The following CABLES1 variants were observed in gnomAD, a reference collection of about 807,000 sequenced individuals.
The protein encoded by CABLES1 is CDK5 and ABL1 enzyme substrate 1.
In CABLES1, 36 loss-of-function variants were observed where a neutral mutation model predicts 57.8. That is an observed-to-expected ratio of 0.62 (90% CI 0.48 to 0.82). The LOEUF is 0.82. Ranked by LOEUF, CABLES1 falls within the 40% of genes least tolerant of loss-of-function variation. The pLI is 0.00. For synonymous variants in CABLES1, 374 were observed against 363.0 expected (o/e 1.03, Z -0.35); for missense variants, 767 against 836.6 (o/e 0.92, Z 1.03).
chr18:23,243,388 G>A (rs1034648434), intron 7 of CABLES1, among the ~76,000 whole-genome samples: 1 of 151,690 alleles, frequency 6.6e-6, no homozygotes, highest in Non-Finnish European at 1.5e-5. Context: ...CCAGCTTTAG[G>A]TTAAGTGTTC....
chr18:23,252,148 G>T (rs546509531), intron 7 of CABLES1, among the ~76,000 whole-genome samples: 5 of 151,948 alleles, frequency 3.3e-5, no homozygotes. Context: ...ACAAATAGAC[G>T]ATTCCACTTA....
At chr18:23,220,069 A>C (rs1369799121) in intron 4 of CABLES1, among the ~76,000 whole-genome samples, 1 of 152,144 alleles carries the variant, frequency 6.6e-6, no homozygotes, top group Non-Finnish European at 1.5e-5. Context: ...GTTTAGACCA[A>C]GCTGATAAGG....
intron 4 of CABLES1, among the ~76,000 whole-genome samples, chr18:23,229,874 A>G (rs1005966420): frequency 1.3e-5 from 2 of 152,210 alleles, no homozygotes; most frequent in African/African-American, 2.4e-5. Context: ...CTGTTAAGCT[A>G]TGTGGCACAA....
chr18:23,252,175 A>G (rs909622286), intron 7 of CABLES1, among the ~76,000 whole-genome samples: 3 of 152,176 alleles, frequency 2.0e-5, no homozygotes, highest in African/African-American at 7.2e-5. Context: ...GCAAATTTAT[A>G]GAGACATAAA....
chr18:23,249,549 G>A (rs932255484), intron 7 of CABLES1, among the ~76,000 whole-genome samples: 6 of 152,354 alleles, frequency 3.9e-5, no homozygotes, highest in African/African-American at 1.4e-4. Flanking sequence ...GTCCAGACTT[G>A]CTGCGTCTCC....
rs899219981 is a variant in CABLES1, at chr18:23,135,764, T to TGGC, written c.18_20dup (p.Ala8dup). The TGGC allele has an allele frequency of 4.6e-4, 456 of 983,668 alleles. No individual in the cohort carries two copies. Among genetic ancestry groups the TGGC allele is most frequent in the Middle Eastern group, 2.6e-3 (5 of 1,934 alleles). 60.9% of individuals were successfully genotyped at this position (983,668 alleles called of 1,614,324 possible). On this transcript the variant is annotated inframe_insertion, in exon 1 of 10. Coordinates refer to ENST00000256925, the MANE Select transcript of CABLES1 (RefSeq NM_001100619.3). ...GAAATCCCGCCGCAGACGGACACAATGGCGGCGGCGGCGGCGGCCGCCACC... is the reference window on the plus strand; with the variant it reads ...GAAATCCCGCCGCAGACGGACACAATGGCGGCGGCGGCGGCGGCGGCCGCCACC...
chr18:23,215,329 C>T (rs1343699846), intron 4 of CABLES1, among the ~76,000 whole-genome samples: 3 of 152,134 alleles, frequency 2.0e-5, no homozygotes, highest in South Asian at 2.1e-4. Context: ...AGGCTCATTC[C>T]TTGACAAAAT....
upstream of CABLES1, chr18:23,135,436 AGCGCGGGGCGCGC>A (rs1253825804): frequency 6.6e-6 from 1 of 152,130 alleles, no homozygotes; most frequent in Non-Finnish European, 1.5e-5. Flanking sequence ...TTGGAGCGCG[AGCGCGGGGCGCGC>A]GCACCTATAA....
At chr18:23,229,404 C>T (rs1445679006) in intron 4 of CABLES1, among the ~76,000 whole-genome samples, 1 of 151,850 alleles carries the variant, frequency 6.6e-6, no homozygotes, top group African/African-American at 2.4e-5. Context: ...AAGAGTAAAA[C>T]TCCATCTCAA....
At chr18:23,250,341 T>G (rs77129078) in intron 7 of CABLES1, among the ~76,000 whole-genome samples, 3 of 45,786 alleles carry the variant, frequency 6.6e-5, no homozygotes, top group South Asian at 1.0e-3. Flanking sequence ...GTGCCTGGAT[T>G]GGGGGGTGAG....
At chr18:23,202,657 C>T (rs2047333662) in intron 3 of CABLES1, among the ~76,000 whole-genome samples, 1 of 152,200 alleles carries the variant, frequency 6.6e-6, no homozygotes, top group Admixed American at 6.5e-5. Context: ...AGGACTGACG[C>T]ATCAGAAGGA....
chr18:23,182,013 C>T (rs1421602834), intron 1 of CABLES1, among the ~76,000 whole-genome samples: 1 of 152,174 alleles, frequency 6.6e-6, no homozygotes, highest in Non-Finnish European at 1.5e-5. Flanking sequence ...CATCCAGTGG[C>T]CCAGCGTGCA....
Position 23,136,144 on chromosome 18 carries a change from C to T in CABLES1, c.382C>T (p.Pro128Ser). The change falls in exon 1 of 10, where the codon CCG becomes TCG. Residue 128 changes from proline (P) to serine (S), a missense_variant. Coordinates refer to ENST00000256925, the MANE Select transcript of CABLES1 (RefSeq NM_001100619.3). ...GCIALAAPGT[P>S]AAGLAAGSGP... ...CATCGCGCTCGCCGCGCCGGGCACG[C>T]CGGCTGCGGGGTTAGCCGCTGGGTC... is the stretch of plus-strand genomic sequence containing the variant. The T allele has an allele frequency of 8.3e-7, 1 of 1,205,700 alleles. No homozygotes were observed. The highest frequency in any genetic ancestry group is 1.0e-6 in the Non-Finnish European group (1 of 971,500). The allele number at this position is 1,205,700 out of a possible 1,614,324, so 74.7% of individuals were successfully genotyped here.
In CABLES1 at chr18:23,192,448, C is replaced by G. The variant is rs2047250915; in HGVS notation, c.918-2000C>G. 1.3e-5 allele frequency among the ~76,000 whole-genome samples: 2 copies of G among 152,220 alleles called. 1 individual carries two copies. Among genetic ancestry groups the G allele is most frequent in the South Asian group, 4.1e-4 (2 of 4,832 alleles). ...GGGCCCCTCTTTCTGCAGAGAGCAA[C>G]TCAGGCCATCCTTCGTCTGTGCTGG... On this transcript the variant is annotated intron_variant, in intron 2 of 9. Transcript: ENST00000256925.
chr18:23,238,595 G>A (rs568418445), intron 7 of CABLES1, among the ~76,000 whole-genome samples: 99 of 152,342 alleles, frequency 6.5e-4, no homozygotes, highest in African/African-American at 2.2e-3. Context: ...AGGCAAGCAC[G>A]TAATAAGTGT....
intron 4 of CABLES1, 108 bp from the exon 5 acceptor site, chr18:23,234,500 C>G (rs1309880332): frequency 1.2e-6 from 1 of 828,968 alleles, no homozygotes; most frequent in Non-Finnish European, 2.0e-6. Context: ...CAGGGCTCAC[C>G]TGGTCATTTT....
At chr18:23,235,866 A>G (rs776416676) in intron 5 of CABLES1, 29 bp from the exon 6 acceptor site, 1 of 1,609,112 alleles carries the variant, frequency 6.2e-7, no homozygotes, top group African/African-American at 1.3e-5. Flanking sequence ...GGGAATAATC[A>G]CTGGCCTGTT....
intron 7 of CABLES1, among the ~76,000 whole-genome samples, chr18:23,244,331 TC>T (rs751392869): frequency 1.4e-4 from 22 of 152,364 alleles, no homozygotes; most frequent in East Asian, 7.7e-4. Flanking sequence ...GAGCTTTTCT[TC>T]CTGTGTTCCT....
upstream of CABLES1, chr18:23,135,463 C>G (rs981683013): frequency 1.3e-5 from 2 of 152,510 alleles, no homozygotes; most frequent in African/African-American, 2.4e-5. Context: ...CCTATAAATA[C>G]GGACACCCGG....
Sources: allele counts gnomAD v4.1 joint callset (sites outside exome capture counted in the v4.1 genomes callset), GRCh38; gene constraint gnomAD v4.1.1; transcripts MANE v1.5; gene names NCBI Gene and HGNC (gene_info 2026-07-23, HGNC 2026-07-21).